OR56A3: variants seen among roughly 807,000 people sequenced by gnomAD.
OR56A3 encodes the protein olfactory receptor family 56 subfamily A member 3, also known as olfactory receptor 56A3.
OR56A3 carries 23 observed loss-of-function variants against 17.5 expected under a neutral mutation model. The ratio of observed to expected loss-of-function variants is 1.32; its 90% confidence interval spans 0.95 to 1.87. The LOEUF is 1.87. Among genes scored for constraint, OR56A3 ranks in the 40% most tolerant of loss-of-function variants. The pLI is 0.00. For missense variants in OR56A3, 366 were observed against 380.1 expected (o/e 0.96, Z 0.31); for synonymous variants, 175 against 150.6 (o/e 1.16, Z -1.19).
At chr11:6,009,758 GATTA>G in the OR56A3 span, among the ~76,000 whole-genome samples, 3 of 152,110 alleles carry the variant, frequency 2.0e-5, no homozygotes, top group African/African-American at 7.2e-5. Context: ...TTCTCTTTAT[GATTA>G]ATTAAGCTCC....
the OR56A3 span, chr11:6,002,421 G>C: frequency 6.2e-7 from 1 of 1,614,270 alleles, no homozygotes; most frequent in African/African-American, 1.3e-5. Flanking sequence ...GTCATCACAA[G>C]AGAGTTTGGA....
In OR56A3 at chr11:5,950,159, T is replaced by A. The variant is rs535461747; in HGVS notation, c.*1865T>A. On this transcript the variant is annotated 3_prime_UTR_variant, in exon 3 of 3. Coordinates refer to ENST00000641160, the MANE Select transcript of OR56A3 (RefSeq NM_001003443.3). ...CTGAAAGTTTTAACAATATGCTATA[T>A]TAACATATACTTATCAAAACACCAA... is the stretch of plus-strand genomic sequence containing the variant. 4.1e-4 allele frequency: 62 copies of A among 152,318 alleles called. No homozygotes were observed. The highest frequency in any genetic ancestry group is 1.4e-3 in the African/African-American group (59 of 41,586). The allele number at this position is 152,318 out of a possible 1,614,324, so 9.4% of individuals were successfully genotyped here. A position where few individuals can be genotyped will look rare whatever the true frequency, so the allele number is the denominator to read the frequency against.
downstream of OR56A3, among the ~76,000 whole-genome samples, chr11:5,953,918 T>C (rs1847920352): frequency 6.6e-6 from 1 of 152,110 alleles, no homozygotes; most frequent in Non-Finnish European, 1.5e-5. Context: ...AATTAATTAA[T>C]TGACTGAAAC....
the OR56A3 span, among the ~76,000 whole-genome samples, chr11:5,975,714 C>T: frequency 1.3e-5 from 2 of 151,840 alleles, no homozygotes; most frequent in African/African-American, 2.4e-5. Context: ...GTCCTTTGGG[C>T]ATATACCCAG....
the OR56A3 span, among the ~76,000 whole-genome samples, chr11:6,014,668 T>C: frequency 1.7e-4 from 26 of 152,180 alleles, no homozygotes; most frequent in African/African-American, 6.0e-4. Context: ...GTTGGAAGAA[T>C]GTGGAGGGCT....
chr11:6,004,186 T>C, the OR56A3 span, among the ~76,000 whole-genome samples: 1 of 152,128 alleles, frequency 6.6e-6, no homozygotes, highest in African/African-American at 2.4e-5. Context: ...ACCTCGTCTC[T>C]ATTAAAAATA....
Position 5,949,809 on chromosome 11 carries a change from C to T in OR56A3, c.*1515C>T, listed in dbSNP as rs563829922. ...AATTAGTATTTAATTCCTGGATATC[C>T]TGGAATTGAAACCTACTGATTGAAA... On this transcript the variant is annotated 3_prime_UTR_variant, in exon 3 of 3. Coordinates refer to ENST00000641160, the MANE Select transcript of OR56A3 (RefSeq NM_001003443.3). The T allele has an allele frequency of 2.0e-5, 3 of 152,154 alleles. No homozygotes were observed. The South Asian group carries it at 6.2e-4, about 32-fold the overall frequency. 9.4% of individuals were successfully genotyped at this position (152,154 alleles called of 1,614,324 possible).
chr11:5,997,636 C>A, the OR56A3 span, among the ~76,000 whole-genome samples: 2 of 152,092 alleles, frequency 1.3e-5, no homozygotes, highest in Non-Finnish European at 2.9e-5. Flanking sequence ...GGAAACATCA[C>A]GGAGACTTGA....
chr11:6,014,148 C>A, the OR56A3 span, among the ~76,000 whole-genome samples: 1 of 152,212 alleles, frequency 6.6e-6, no homozygotes, highest in Non-Finnish European at 1.5e-5. Context: ...CCCAGCACAT[C>A]TGACATCATT....
At chr11:5,968,462 T>C in the OR56A3 span, 1 of 1,562,900 alleles carries the variant, frequency 6.4e-7, no homozygotes, top group South Asian at 1.2e-5. Context: ...ATTCAAAGAC[T>C]GGGGAAGTGG....
the OR56A3 span, among the ~76,000 whole-genome samples, chr11:6,012,296 C>T: frequency 5.3e-5 from 8 of 152,208 alleles, no homozygotes; most frequent in Non-Finnish European, 8.8e-5. Flanking sequence ...GGTGTCCTCA[C>T]AAGTGTTTAG....
At chr11:5,964,395 C>A in the OR56A3 span, among the ~76,000 whole-genome samples, 2 of 152,142 alleles carry the variant, frequency 1.3e-5, no homozygotes, top group African/African-American at 2.4e-5. Flanking sequence ...TAAGCCTGTC[C>A]AGAGATTTTG....
the OR56A3 span, among the ~76,000 whole-genome samples, chr11:5,997,180 T>C: frequency 6.6e-6 from 1 of 152,150 alleles, no homozygotes; most frequent in East Asian, 1.9e-4. Context: ...ATTAAAAAAC[T>C]TTGCCCCCAT....
At chr11:6,021,528 G>T in the OR56A3 span, 2 of 151,846 alleles carry the variant, frequency 1.3e-5, no homozygotes, top group Non-Finnish European at 2.9e-5. Flanking sequence ...ATTTTAAAAT[G>T]AATAATTAAA....
At chr11:5,968,110 T>C in the OR56A3 span, 6 of 1,614,000 alleles carry the variant, frequency 3.7e-6, no homozygotes, top group Admixed American at 8.3e-5. Context: ...GGCTTGCAGA[T>C]GGCCACATAG....
chr11:5,970,720 G>A, the OR56A3 span, among the ~76,000 whole-genome samples: 1 of 151,624 alleles, frequency 6.6e-6, no homozygotes, highest in Non-Finnish European at 1.5e-5. Context: ...CAGCCCTGGG[G>A]AGACAACTAC....
At chr11:5,968,565 A>C in the OR56A3 span, 1 of 1,109,640 alleles carries the variant, frequency 9.0e-7, no homozygotes, top group Non-Finnish European at 1.3e-6. Context: ...TAGAAATAGA[A>C]AACAAAGCTG....
At chr11:5,973,256 T>C in the OR56A3 span, among the ~76,000 whole-genome samples, 1 of 152,242 alleles carries the variant, frequency 6.6e-6, no homozygotes, top group Non-Finnish European at 1.5e-5. Flanking sequence ...AATTTTATTA[T>C]GGCAATTGCA....
Position 5,945,025 on chromosome 11 carries a change from T to C in OR56A3, c.-94T>C, listed in dbSNP as rs1248187879. 1 of 152,078 alleles carries C rather than the reference T, an allele frequency of 6.6e-6. No homozygotes were observed. 9.4% of individuals were successfully genotyped at this position (152,078 alleles called of 1,614,324 possible). A position where few individuals can be genotyped will look rare whatever the true frequency, so the allele number is the denominator to read the frequency against. ...CAGTTGAGCAAGGACTGGAACTGCT[T>C]TTGGGGAATAGGAAAGACAACTGAA... is the stretch of plus-strand genomic sequence containing the variant. On this transcript the variant is annotated 5_prime_UTR_variant, in exon 2 of 3. Coordinates refer to ENST00000641160, the MANE Select transcript of OR56A3 (RefSeq NM_001003443.3).
Sources: allele counts gnomAD v4.1 joint callset (sites outside exome capture counted in the v4.1 genomes callset), GRCh38; gene constraint gnomAD v4.1.1; transcripts MANE v1.5; gene names NCBI Gene and HGNC (gene_info 2026-07-23, HGNC 2026-07-21).